Variants in BACH2 observed in about 807,000 individuals in gnomAD.
BACH2 encodes transcription regulator protein BACH2.
Under a neutral mutation model 61.8 loss-of-function variants are expected in BACH2, and 5 were observed. The ratio of observed to expected loss-of-function variants is 0.08; its 90% CI spans 0.04 to 0.17. The LOEUF is 0.17. Among genes scored for constraint, BACH2 ranks in the 10% least tolerant of loss-of-function variants. BACH2 has a pLI of 1.00. For synonymous variants in BACH2, 446 were observed against 440.1 expected (o/e 1.01, Z -0.17); for missense variants, 824 against 1,091.1 (o/e 0.76, Z 3.45).
chr6:90,260,143 A>T (rs1771110090), intron 2 of BACH2, among the ~76,000 whole-genome samples: 2 of 152,024 alleles, frequency 1.3e-5, no homozygotes, highest in South Asian at 4.1e-4. Flanking sequence ...ATGTCACACT[A>T]TTCATTTGAG....
intron 4 of BACH2, among the ~76,000 whole-genome samples, chr6:90,105,366 C>A (rs1322164124): frequency 6.6e-6 from 1 of 152,238 alleles, no homozygotes; most frequent in Non-Finnish European, 1.5e-5. Context: ...GCCAACTAAG[C>A]AAACCATAAT....
chr6:90,146,628 A>C (rs1328668000), intron 4 of BACH2, among the ~76,000 whole-genome samples: 1 of 152,260 alleles, frequency 6.6e-6, no homozygotes. Context: ...ACACACACAC[A>C]AAATAGAAAA....
In BACH2 at chr6:90,006,225, C is replaced by T. The variant is rs1318543916; in HGVS notation, c.243+2377G>A. ...CAACCTGGGCAACAGAGCAAGACTC[C>T]ACCTTTAAAAAGAGACTTACGTTTG... On this transcript the variant is annotated intron_variant, in intron 6 of 8. Coordinates refer to ENST00000257749, the MANE Select transcript of BACH2 (RefSeq NM_021813.4). Among the ~76,000 whole-genome samples the T allele has an allele frequency of 3.3e-5, 5 of 152,214 alleles. No individual in the cohort carries two copies. In the East Asian group the frequency reaches 9.6e-4, roughly 29 times the overall value.
chr6:90,134,379 T>G (rs1433944360), intron 4 of BACH2, among the ~76,000 whole-genome samples: 1 of 152,236 alleles, frequency 6.6e-6, no homozygotes, highest in Non-Finnish European at 1.5e-5. Context: ...ATTTTGATGA[T>G]GTACATCAGT....
At chr6:90,256,190 C>T (rs754238807) in intron 2 of BACH2, among the ~76,000 whole-genome samples, 3 of 152,184 alleles carry the variant, frequency 2.0e-5, no homozygotes, top group Non-Finnish European at 4.4e-5. Context: ...CCACTTCCCA[C>T]AGGGACTATT....
chr6:90,161,021 G>A (rs570212826), intron 4 of BACH2, among the ~76,000 whole-genome samples: 1 of 149,438 alleles, frequency 6.7e-6, no homozygotes, highest in East Asian at 2.0e-4. Flanking sequence ...CCGGGAGGCG[G>A]AGCTTGCAGT....
intron 4 of BACH2, among the ~76,000 whole-genome samples, chr6:90,177,884 T>C (rs1768032370): frequency 6.6e-6 from 1 of 152,204 alleles, no homozygotes; most frequent in South Asian, 2.1e-4. Context: ...TTCTAGATAT[T>C]GGCCTTGAAA....
intron 6 of BACH2, among the ~76,000 whole-genome samples, chr6:90,006,624 T>G (rs1177701463): frequency 6.6e-6 from 1 of 152,204 alleles, no homozygotes; most frequent in Non-Finnish European, 1.5e-5. Context: ...ATTTATTTAT[T>G]TATTTTTTTG....
chr6:90,055,694 G>C (rs557496388), intron 5 of BACH2, among the ~76,000 whole-genome samples: 1 of 151,392 alleles, frequency 6.6e-6, no homozygotes, highest in Non-Finnish European at 1.5e-5. Flanking sequence ...AAGTTGAAAT[G>C]AAGGAAAAAA....
At chr6:90,029,725 G>C (rs911889493) in intron 5 of BACH2, among the ~76,000 whole-genome samples, 1 of 152,130 alleles carries the variant, frequency 6.6e-6, no homozygotes, top group Admixed American at 6.5e-5. Flanking sequence ...TTCTGTTTCT[G>C]CTGAGGTCTC....
intron 6 of BACH2, among the ~76,000 whole-genome samples, chr6:89,980,486 G>C (rs1362866595): frequency 6.6e-6 from 1 of 152,192 alleles, no homozygotes; most frequent in African/African-American, 2.4e-5. Flanking sequence ...TTGCCATTAT[G>C]ATGACAATCA....
intron 4 of BACH2, among the ~76,000 whole-genome samples, chr6:90,110,968 A>T (rs916899314): frequency 6.6e-6 from 1 of 152,182 alleles, no homozygotes; most frequent in African/African-American, 2.4e-5. Context: ...TTCATACAGG[A>T]TATTCTGAAG....
Position 89,951,641 on chromosome 6 carries a change from G to A in BACH2, c.465C>T (p.Asp155=), listed in dbSNP as rs1177913376. 1 of 1,614,106 alleles carries A rather than the reference G, an allele frequency of 6.2e-7. No homozygotes were observed. Among genetic ancestry groups the A allele is most frequent in the East Asian group, 2.2e-5 (1 of 44,886 alleles). Residue 155 remains aspartate (D), a synonymous_variant, in exon 7 of 9, where the codon GAC becomes GAT. Coordinates refer to ENST00000257749, the MANE Select transcript of BACH2 (RefSeq NM_021813.4). The surrounding 1 kb of genome is among the most constrained non-coding windows in gnomAD (Gnocchi z 6.4). Reference sequence around the variant, plus strand: ...CCTCCTCTCCTGCAGAGTTCTCGCAGTCCTCGTGTGGGCGCTGGCACGCAG... The same window carrying A: ...CCTCCTCTCCTGCAGAGTTCTCGCAATCCTCGTGTGGGCGCTGGCACGCAG... ...KDAACQRPHE[D]CENSAGEEED...
intron 4 of BACH2, among the ~76,000 whole-genome samples, chr6:90,202,348 A>T (rs1768984858): frequency 6.6e-6 from 1 of 152,206 alleles, no homozygotes; most frequent in African/African-American, 2.4e-5. Context: ...TTGACTGTAG[A>T]GATACTGATC....
In BACH2 at chr6:89,959,606, G is replaced by T. The variant is rs9362708; in HGVS notation, c.244-7744C>A. 2.0e-5 allele frequency among the ~76,000 whole-genome samples: 3 copies of T among 152,162 alleles called. No homozygotes were observed. The East Asian group carries it at 5.8e-4, about 29-fold the overall frequency. On this transcript the variant is annotated intron_variant, in intron 6 of 8. Transcript: ENST00000257749. ...AAAACTATTATCACTCTCTCTGTGCGTGTGTATCTCTGTAACACTACTTTA... is the reference window on the plus strand; with the variant it reads ...AAAACTATTATCACTCTCTCTGTGCTTGTGTATCTCTGTAACACTACTTTA...
intron 3 of BACH2, among the ~76,000 whole-genome samples, chr6:90,226,442 A>G (rs1189901783): frequency 1.3e-5 from 2 of 152,194 alleles, no homozygotes; most frequent in African/African-American, 4.8e-5. Context: ...TCCATGGTGT[A>G]AACTCTCCCA....
chr6:90,027,518 T>C (rs1248985516), intron 5 of BACH2, among the ~76,000 whole-genome samples: 1 of 152,200 alleles, frequency 6.6e-6, no homozygotes, highest in East Asian at 1.9e-4. Flanking sequence ...AGAATTGTAC[T>C]GCCATGGGGG....
chr6:90,071,835 G>A (rs1562420745), intron 5 of BACH2, among the ~76,000 whole-genome samples: 1 of 152,180 alleles, frequency 6.6e-6, no homozygotes, highest in African/African-American at 2.4e-5. Flanking sequence ...GCAATAAAGT[G>A]AGCTGGAAAA....
chr6:90,060,982 A>T (rs904252298), intron 5 of BACH2, among the ~76,000 whole-genome samples: 2 of 152,066 alleles, frequency 1.3e-5, no homozygotes, highest in African/African-American at 2.4e-5. Context: ...TATTTTCATT[A>T]CTTCCTAGGA....
Sources: allele counts gnomAD v4.1 joint callset (sites outside exome capture counted in the v4.1 genomes callset), GRCh38; gene constraint gnomAD v4.1.1; non-coding constraint Gnocchi (gnomAD v3.1); transcripts MANE v1.5; gene names NCBI Gene and HGNC (gene_info 2026-07-23, HGNC 2026-07-21).